The following USP14 variants were observed in gnomAD, a reference collection of about 807,000 sequenced individuals.
USP14 encodes ubiquitin carboxyl-terminal hydrolase 14.
In USP14, 38 loss-of-function variants were observed where a neutral mutation model predicts 76.5. The observed-to-expected ratio is 0.50, with a 90% CI of 0.38 to 0.65. USP14 has a LOEUF of 0.65. USP14 is among the 30% of genes least tolerant of loss of function. USP14 has a pLI of 0.00. For synonymous variants in USP14, 192 were observed against 191.7 expected, an observed-to-expected ratio of 1.00 and a Z score of -0.01; for missense variants, 467 against 586.5, an observed-to-expected ratio of 0.80 and a Z score of 2.10.
chr18:181,698 C>T (rs1345383678), intron 5 of USP14, among the ~76,000 whole-genome samples: 2 of 151,800 alleles, frequency 1.3e-5, no homozygotes, highest in South Asian at 2.1e-4. Context: ...CTTGATGGTA[C>T]GTTTGTAATG....
intron 5 of USP14, among the ~76,000 whole-genome samples, chr18:189,938 C>G (rs1567832176): frequency 6.6e-6 from 1 of 152,216 alleles, no homozygotes; most frequent in African/African-American, 2.4e-5. Flanking sequence ...TAATCACTAA[C>G]ACCGTTTATG....
intron 10 of USP14, among the ~76,000 whole-genome samples, chr18:202,131 A>T (rs958779006): frequency 1.3e-5 from 2 of 152,242 alleles, no homozygotes; most frequent in Non-Finnish European, 2.9e-5. Flanking sequence ...AGCAGAGCAC[A>T]TAAGTAGTGC....
chr18:179,106 G>A, intron 4 of USP14, 69 bp downstream of exon 4: 1 of 1,072,894 alleles, frequency 9.3e-7, no homozygotes, highest in Non-Finnish European at 1.4e-6. Context: ...GTGTCTTTCA[G>A]AAAGTAGCAT....
intron 5 of USP14, among the ~76,000 whole-genome samples, chr18:183,750 T>G (rs1156299564): frequency 6.6e-6 from 1 of 151,894 alleles, no homozygotes; most frequent in Non-Finnish European, 1.5e-5. Flanking sequence ...TTTAAAGGTT[T>G]TTTTTTTTTT....
Position 158,595 on chromosome 18 carries a change from C to A in USP14, c.-104C>A. The A allele has an allele frequency of 7.9e-7, 1 of 1,257,920 alleles. No homozygotes were observed. 77.9% of individuals were successfully genotyped at this position (1,257,920 alleles called of 1,614,324 possible). On this transcript the variant is annotated 5_prime_UTR_variant, in exon 1 of 16. Transcript: ENST00000261601. ...CGCACCGAAGCCGCCGCCACCACCG[C>A]GCCTCCGCCTCGGCCGCCGCCGCAG...
chr18:197,561 CT>C, intron 7 of USP14, 54 bp from the exon 8 acceptor site: 2 of 1,420,104 alleles, frequency 1.4e-6, no homozygotes, highest in Non-Finnish European at 2.0e-6. Context: ...TTTGGAAGAA[CT>C]TTGTAGATCA....
chr18:191,183 A>G (rs776295923), intron 5 of USP14, among the ~76,000 whole-genome samples: 11 of 152,182 alleles, frequency 7.2e-5, no homozygotes, highest in Non-Finnish European at 1.5e-4. Flanking sequence ...ATGTCTTAAC[A>G]GGGAAATGTA....
intron 1 of USP14, 167 bp from the exon 2 acceptor site, chr18:163,141 C>A: frequency 1.9e-6 from 1 of 532,730 alleles, no homozygotes; most frequent in Non-Finnish European, 3.2e-6. Flanking sequence ...AAATTTTATT[C>A]AGCACCTACT....
rs1003991663 is a variant in USP14 at position 212,903 on chromosome 18, T to TAAC, written c.*1620_*1622dup. On this transcript the variant is annotated 3_prime_UTR_variant, in exon 16 of 16. Transcript: ENST00000261601. ...GCTCGGCAGAGCACAACACTGATGA[T>TAAC]AACTATTAAAAATAGAAAATAACAG... The TAAC allele has an allele frequency of 4.6e-5, 7 of 152,326 alleles. No individual in the cohort carries two copies. Among genetic ancestry groups the TAAC allele is most frequent in the Non-Finnish European group, 8.8e-5 (6 of 68,022 alleles). The allele number at this position is 152,326 out of a possible 1,614,324, so 9.4% of individuals were successfully genotyped here. A position where few individuals can be genotyped will look rare whatever the true frequency, so the allele number is the denominator to read the frequency against.
At chr18:192,955 C>G (rs1910132322) in intron 6 of USP14, 55 bp downstream of exon 6, 2 of 1,469,868 alleles carry the variant, frequency 1.4e-6, no homozygotes, top group African/African-American at 2.8e-5. Flanking sequence ...CTATTTTTCG[C>G]TCACAATCCT....
intron 9 of USP14, 101 bp from the exon 10 acceptor site, chr18:199,101 T>C: frequency 1.4e-6 from 1 of 705,866 alleles, no homozygotes; most frequent in South Asian, 2.1e-5. Context: ...TGCCAATGAA[T>C]GATACTATTA....
rs1360808311 is a variant in USP14 at position 207,044 on chromosome 18, G to GTTTTATAGTTT, written c.1164+2353_1164+2354insTTTATAGTTTT. Reference sequence around the variant, plus strand: ...TTGTTTTGCATGTGAATATCTGGTTGTCTCAGCACCATTTTTTAAGAAGAC... The same window carrying GTTTTATAGTTT: ...TTGTTTTGCATGTGAATATCTGGTTGTTTTATAGTTTTCTCAGCACCATTTTTTAAGAAGAC... On this transcript the variant is annotated intron_variant, in intron 13 of 15. Transcript: ENST00000261601. 5.3e-4 allele frequency among the ~76,000 whole-genome samples: 56 copies of GTTTTATAGTTT among 106,294 alleles called. 2 individuals are homozygous for GTTTTATAGTTT. The highest frequency in any genetic ancestry group is 1.6e-3 in the South Asian group (5 of 3,116). 69.7% of individuals were successfully genotyped at this position (106,294 alleles called of 152,430 possible).
chr18:191,146 A>C (rs1025884227), intron 5 of USP14, among the ~76,000 whole-genome samples: 1 of 152,178 alleles, frequency 6.6e-6, no homozygotes, highest in African/African-American at 2.4e-5. Context: ...TTTTAATTTC[A>C]AAAATGCCTT....
chr18:163,295 A>G lies in USP14; in HGVS notation c.17-13A>G, dbSNP rs754154529. ...TTATTTTTTAATTAAAAAAATTGTG[A>G]TTTTGTTTGCAGTTACTGTAAAATG... On this transcript the variant is annotated splice_polypyrimidine_tract_variant and intron_variant, in intron 1 of 15. Transcript: ENST00000261601. The G allele has an allele frequency of 6.3e-7, 1 of 1,588,556 alleles. No individual in the cohort carries two copies. The highest frequency in any genetic ancestry group is 1.1e-5 in the South Asian group (1 of 87,148).
rs1442746543 is a variant in USP14 at position 178,934 on chromosome 18, G to A, written c.197G>A (p.Gly66Glu). ...DDWGNIKIKNGMTLLMMGSAD... is the reference protein window; with the variant it reads ...DDWGNIKIKNEMTLLMMGSAD... ...TGAAATTACTTTTTTTAAAAACAGG[G>A]AATGACTCTACTAATGATGGGGTCA... The change falls in exon 4 of 16, where the codon GGA becomes GAA. Residue 66 changes from glycine to glutamate, a missense_variant and splice_region_variant. Gly to Glu is a moderately conservative substitution (Grantham distance 98, BLOSUM62 -2). Transcript: ENST00000261601. 27 of 1,602,280 alleles carry A rather than the reference G, an allele frequency of 1.7e-5. No homozygotes were observed. The highest frequency in any genetic ancestry group is 2.3e-5 in the Non-Finnish European group (27 of 1,176,118).
chr18:167,266 G>A (rs192606357), intron 3 of USP14, among the ~76,000 whole-genome samples: 2 of 152,260 alleles, frequency 1.3e-5, no homozygotes, highest in African/African-American at 4.8e-5. Flanking sequence ...TGGCAACAGA[G>A]CGAGACTCCG....
At chr18:166,902 T>C (rs1909288234) in intron 3 of USP14, 83 bp downstream of exon 3, 1 of 1,257,468 alleles carries the variant, frequency 8.0e-7, no homozygotes, top group Non-Finnish European at 1.1e-6. Flanking sequence ...CTTTTTTTCA[T>C]GTGTATATCC....
intron 6 of USP14, among the ~76,000 whole-genome samples, chr18:194,214 A>G (rs1232196708): frequency 6.6e-6 from 1 of 152,068 alleles, no homozygotes; most frequent in Non-Finnish European, 1.5e-5. Flanking sequence ...AGTTAGAGAG[A>G]TTTTACTCTA....
Position 174,126 on chromosome 18 carries a change from A to G in USP14, c.196-4807A>G, listed in dbSNP as rs141473480. ...GGGATTTTGATTGGAATTGCATTGA[A>G]TCTGTATGTCAGTCTGGGACATCTC... On this transcript the variant is annotated intron_variant, in intron 3 of 15. Coordinates refer to ENST00000261601, the MANE Select transcript of USP14 (RefSeq NM_005151.4). Among the ~76,000 whole-genome samples the G allele has an allele frequency of 4.4e-4, 67 of 152,266 alleles. 1 individual carries two copies. In the East Asian group the frequency reaches 0.011, roughly 25 times the overall value.
Sources: allele counts gnomAD v4.1 joint callset (sites outside exome capture counted in the v4.1 genomes callset), GRCh38; gene constraint gnomAD v4.1.1; transcripts MANE v1.5; gene names NCBI Gene and HGNC (gene_info 2026-07-23, HGNC 2026-07-21).